The following KDM4B variants were observed in gnomAD, a reference collection of about 807,000 sequenced individuals.
The protein encoded by KDM4B is lysine demethylase 4B.
Under a neutral mutation model 125.2 loss-of-function variants are expected in KDM4B, and 32 were observed. The ratio of observed to expected loss-of-function variants is 0.26; its 90% CI spans 0.19 to 0.34. The LOEUF (loss-of-function observed/expected upper bound fraction) is 0.34, where lower values mean the gene tolerates loss of function less well. Among genes scored for constraint, KDM4B ranks in the 10% least tolerant of loss-of-function variants. KDM4B has a pLI of 1.00. For synonymous variants in KDM4B, 721 were observed against 677.9 expected (o/e 1.06, Z -0.99); for missense variants, 1,190 against 1,577.7 (o/e 0.75, Z 4.16).
At chr19:4,980,516 T>C (rs1433773834) in intron 1 of KDM4B, among the ~76,000 whole-genome samples, 3 of 147,986 alleles carry the variant, frequency 2.0e-5, no homozygotes, top group African/African-American at 7.5e-5. Context: ...CTCCGCCTCC[T>C]GGGTTCAAGT....
At chr19:4,975,367 C>T (rs1411418761) in intron 1 of KDM4B, among the ~76,000 whole-genome samples, 1 of 151,530 alleles carries the variant, frequency 6.6e-6, no homozygotes, top group Non-Finnish European at 1.5e-5. Flanking sequence ...TTTTTTTCCT[C>T]CAACGACTAA....
At chr19:5,137,135 C>T (rs920341088) in intron 15 of KDM4B, 127 bp from the exon 16 acceptor site, 5 of 658,828 alleles carry the variant, frequency 7.6e-6, no homozygotes, top group Admixed American at 4.4e-5. Flanking sequence ...CAGCTGCGTG[C>T]GGAGGCCTCG....
chr19:5,038,589 T>C (rs1180924718), intron 3 of KDM4B, among the ~76,000 whole-genome samples: 1 of 152,182 alleles, frequency 6.6e-6, no homozygotes, highest in Non-Finnish European at 1.5e-5. Context: ...CGTGTTCCAG[T>C]GTCTGAGGTG....
At chr19:4,985,487 C>T (rs1009505701) in intron 1 of KDM4B, among the ~76,000 whole-genome samples, 1 of 152,332 alleles carries the variant, frequency 6.6e-6, no homozygotes, top group South Asian at 2.1e-4. Context: ...AATGTTCTAG[C>T]TCTGTGAGGC....
At position 5,090,041 on chromosome 19, in the gene KDM4B, G is replaced by C. The variant is rs1053437836; in HGVS notation, c.918+7537G>C. ...GAAACAAGACAAAAACACAAAAACT[G>C]TGAAGACCCCCAAAGCCTGGCCCCC... On this transcript the variant is annotated intron_variant, in intron 9 of 22. Coordinates refer to ENST00000159111, the MANE Select transcript of KDM4B (RefSeq NM_015015.3). 3.9e-5 allele frequency among the ~76,000 whole-genome samples: 6 copies of C among 152,204 alleles called. No individual in the cohort carries two copies. The South Asian group carries it at 1.2e-3, about 31-fold the overall frequency.
At chr19:4,974,945 T>G (rs188536372) in intron 1 of KDM4B, among the ~76,000 whole-genome samples, 1 of 152,162 alleles carries the variant, frequency 6.6e-6, no homozygotes, top group Non-Finnish European at 1.5e-5. Flanking sequence ...CCTGCTCCTT[T>G]CCTGGCACAG....
chr19:5,021,990 C>T (rs919077069), intron 2 of KDM4B, among the ~76,000 whole-genome samples: 2 of 152,086 alleles, frequency 1.3e-5, no homozygotes, highest in African/African-American at 4.8e-5. Flanking sequence ...GTCTGCTTTC[C>T]GTAGGCCCCC....
intron 9 of KDM4B, among the ~76,000 whole-genome samples, chr19:5,106,265 T>TGC (rs1175472437): frequency 1.7e-4 from 26 of 152,240 alleles, no homozygotes; most frequent in African/African-American, 4.6e-4. Context: ...TGTGTGTGTG[T>TGC]GCGCGCGCGT....
chr19:5,052,427 C>T (rs1192793400), intron 6 of KDM4B, among the ~76,000 whole-genome samples: 1 of 152,074 alleles, frequency 6.6e-6, no homozygotes, highest in Admixed American at 6.5e-5. Context: ...GGGCTTCCTG[C>T]CCTGTGGCCG....
In KDM4B at chr19:5,153,091, A is replaced by C; in HGVS notation, c.*1580A>C. The stretch of plus-strand genomic sequence containing the variant: ...GTTTATATTATAAAAGAGTGTCCTA[A>C]CAGTCCCCGGGCTAGAGAGGACTAA... On this transcript the variant is annotated 3_prime_UTR_variant, in exon 23 of 23. Coordinates refer to ENST00000159111, the MANE Select transcript of KDM4B (RefSeq NM_015015.3). 1 of 151,624 alleles carries C rather than the reference A, an allele frequency of 6.6e-6. No homozygotes were observed. The allele number at this position is 151,624 out of a possible 1,614,324, so 9.4% of individuals were successfully genotyped here.
chr19:5,085,933 C>T (rs552399519), intron 9 of KDM4B, among the ~76,000 whole-genome samples: 29 of 152,288 alleles, frequency 1.9e-4, no homozygotes, highest in African/African-American at 6.0e-4. Context: ...GGCAGGGAAA[C>T]GGCCCAGGTC....
At chr19:5,070,901 C>T (rs2037926937) in intron 6 of KDM4B, 109 bp from the exon 7 acceptor site, 3 of 1,141,884 alleles carry the variant, frequency 2.6e-6, no homozygotes, top group South Asian at 1.4e-5. Context: ...CTCCACTTTG[C>T]TTCTGCCCTG....
At chr19:5,005,535 C>T (rs776696745) in intron 1 of KDM4B, among the ~76,000 whole-genome samples, 1 of 152,046 alleles carries the variant, frequency 6.6e-6, no homozygotes, top group Non-Finnish European at 1.5e-5. Context: ...AAACTGAGGC[C>T]CCAGAGGTGG....
At chr19:4,989,967 A>G (rs551470274) in intron 1 of KDM4B, among the ~76,000 whole-genome samples, 1 of 152,048 alleles carries the variant, frequency 6.6e-6, no homozygotes, top group East Asian at 1.9e-4. Context: ...CTTCCTTTTC[A>G]TGTCATCCCT....
At chr19:5,103,607 G>A (rs961062034) in intron 9 of KDM4B, among the ~76,000 whole-genome samples, 6 of 152,202 alleles carry the variant, frequency 3.9e-5, no homozygotes, top group African/African-American at 1.2e-4. Context: ...CCCTGAACTC[G>A]ACGGCCATCA....
At chr19:5,124,935 T>C (rs1468499616) in intron 11 of KDM4B, among the ~76,000 whole-genome samples, 2 of 151,622 alleles carry the variant, frequency 1.3e-5, no homozygotes, top group African/African-American at 2.4e-5. Flanking sequence ...AGTCTTGCTG[T>C]GTCCCCCAGG....
At chr19:5,100,126 T>A in intron 9 of KDM4B, among the ~76,000 whole-genome samples, 1 of 152,228 alleles carries the variant, frequency 6.6e-6, no homozygotes. Context: ...TTCTGGAGGC[T>A]TATTGAACCC....
chr19:5,131,979 G>C lies in KDM4B; in HGVS notation c.1878G>C (p.Val626=), dbSNP rs73529623. The change falls in exon 13 of 23, where the codon GTG becomes GTC. Residue 626 remains valine, a synonymous_variant. Coordinates refer to ENST00000159111, the MANE Select transcript of KDM4B (RefSeq NM_015015.3). ...GRPPTRSPLS[V]VKQEASSDEE... ...CGCCCACCCGGTCCCCACTGTCGGTGGTGAAGCAGGAGGCCTCAAGTGACG... is the reference window on the plus strand; with the variant it reads ...CGCCCACCCGGTCCCCACTGTCGGTCGTGAAGCAGGAGGCCTCAAGTGACG... 875 of 1,610,736 alleles carry C rather than the reference G, an allele frequency of 5.4e-4. 3 individuals are homozygous for C. The African/African-American group carries it at 0.01, about 19-fold the overall frequency.
At chr19:4,978,549 A>C (rs2034532667) in intron 1 of KDM4B, among the ~76,000 whole-genome samples, 2 of 142,024 alleles carry the variant, frequency 1.4e-5, no homozygotes, top group East Asian at 2.1e-4. Flanking sequence ...AACATAAGGC[A>C]TCTCATGTTA....
Sources: allele counts gnomAD v4.1 joint callset (sites outside exome capture counted in the v4.1 genomes callset), GRCh38; gene constraint gnomAD v4.1.1; transcripts MANE v1.5; gene names NCBI Gene and HGNC (gene_info 2026-07-23, HGNC 2026-07-21).